Variants in PIK3AP1 observed in about 807,000 individuals in gnomAD.
PIK3AP1 encodes the protein phosphoinositide 3-kinase adapter protein 1.
A neutral mutation model predicts 88.1 loss-of-function variants in PIK3AP1; 21 were observed. The observed-to-expected ratio is 0.24, with a 90% confidence interval of 0.17 to 0.34. PIK3AP1 has a LOEUF of 0.34. Among genes scored for constraint, PIK3AP1 ranks in the 10% least tolerant of loss-of-function variants. PIK3AP1 has a pLI of 1.00. For synonymous variants in PIK3AP1, 398 were observed against 400.0 expected, an observed-to-expected ratio of 1.00 and a Z score of 0.06; for missense variants, 828 against 1,035.7, an observed-to-expected ratio of 0.80 and a Z score of 2.75.
In PIK3AP1 at chr10:96,661,740, G is replaced by A. The variant is rs540280670; in HGVS notation, c.431-4806C>T. 3.3e-5 allele frequency among the ~76,000 whole-genome samples: 5 copies of A among 152,178 alleles called. No homozygotes were observed. In the East Asian group the frequency reaches 7.7e-4, roughly 24 times the overall value. On this transcript the variant is annotated intron_variant, in intron 2 of 16. Transcript: ENST00000339364. ...AGTGGAGGTTGCAGATTGTGCCACT[G>A]CACTCCAGCCTGGGAGACAGAGCGA... is the stretch of plus-strand genomic sequence containing the variant.
chr10:96,687,129 G>A (rs557415009), intron 2 of PIK3AP1, among the ~76,000 whole-genome samples: 21 of 151,890 alleles, frequency 1.4e-4, no homozygotes, highest in Admixed American at 1.1e-3. Flanking sequence ...GGTGGCGGGC[G>A]CCTGTAGTCC....
chr10:96,650,211 G>A (rs143606269), intron 6 of PIK3AP1, among the ~76,000 whole-genome samples: 114 of 152,300 alleles, frequency 7.5e-4, no homozygotes, highest in Admixed American at 1.4e-3. Flanking sequence ...ACGAAAGAGA[G>A]TCCCCCAGGA....
intron 8 of PIK3AP1, among the ~76,000 whole-genome samples, chr10:96,639,531 A>G (rs1332296544): frequency 6.6e-6 from 1 of 152,190 alleles, no homozygotes; most frequent in African/African-American, 2.4e-5. Flanking sequence ...TAAATGTTAA[A>G]ACATTCAATC....
At chr10:96,687,270 AAAAAAAAAAAAAAAAG>A (rs937741400) in intron 2 of PIK3AP1, among the ~76,000 whole-genome samples, 2 of 149,338 alleles carry the variant, frequency 1.3e-5, no homozygotes, top group African/African-American at 5.0e-5. Context: ...AAAAAAAAAA[AAAAAAAAAAAAAAAAG>A]AAAAAAGATC....
chr10:96,669,213 T>C (rs1843807720), intron 2 of PIK3AP1, among the ~76,000 whole-genome samples: 1 of 152,174 alleles, frequency 6.6e-6, no homozygotes. Context: ...TTCCAGAGGC[T>C]TGTCCACTCA....
At chr10:96,686,798 C>G (rs1292484299) in intron 2 of PIK3AP1, among the ~76,000 whole-genome samples, 1 of 152,032 alleles carries the variant, frequency 6.6e-6, no homozygotes, top group Non-Finnish European at 1.5e-5. Flanking sequence ...AAATCCAAAC[C>G]AACTTGGTTC....
intron 8 of PIK3AP1, among the ~76,000 whole-genome samples, chr10:96,643,239 C>G (rs1440580809): frequency 6.6e-6 from 1 of 152,162 alleles, no homozygotes; most frequent in Non-Finnish European, 1.5e-5. Flanking sequence ...GATGGTTTTT[C>G]CAAAAGGAAC....
chr10:96,595,702 A>G (rs1201962868), intron 16 of PIK3AP1, 68 bp from the exon 17 acceptor site: 3 of 1,508,094 alleles, frequency 2.0e-6, no homozygotes, highest in African/African-American at 1.4e-5. Context: ...GGAATGCACA[A>G]TTTGTTGCAA....
chr10:96,648,879 A>C, intron 6 of PIK3AP1, 24 bp from the exon 7 acceptor site: 1 of 1,529,120 alleles, frequency 6.5e-7, no homozygotes, highest in Non-Finnish European at 8.8e-7. Flanking sequence ...AGGAAAACTT[A>C]ATAGGCAGAT....
intron 2 of PIK3AP1, among the ~76,000 whole-genome samples, chr10:96,706,544 A>C (rs1306144458): frequency 6.6e-6 from 1 of 152,216 alleles, no homozygotes; most frequent in African/African-American, 2.4e-5. Context: ...AAAAATATTT[A>C]AGATTTTCTG....
intron 8 of PIK3AP1, among the ~76,000 whole-genome samples, chr10:96,638,713 C>T (rs185630358): frequency 1.9e-4 from 29 of 152,328 alleles, no homozygotes; most frequent in Admixed American, 3.9e-4. Context: ...TGCAGTGAGT[C>T]GCACGCGGTA....
intron 8 of PIK3AP1, among the ~76,000 whole-genome samples, chr10:96,641,928 C>T (rs1015770455): frequency 6.6e-5 from 10 of 152,172 alleles, no homozygotes; most frequent in African/African-American, 2.4e-4. Flanking sequence ...CTTTATCCTA[C>T]TTCTTTATGA....
chr10:96,690,089 T>C (rs764369785), intron 2 of PIK3AP1, among the ~76,000 whole-genome samples: 5 of 152,206 alleles, frequency 3.3e-5, no homozygotes, highest in Non-Finnish European at 7.3e-5. Context: ...CGCATAAAAG[T>C]CCTTCACGTG....
intron 2 of PIK3AP1, among the ~76,000 whole-genome samples, chr10:96,690,305 T>A (rs1203418436): frequency 6.6e-6 from 1 of 152,188 alleles, no homozygotes; most frequent in Non-Finnish European, 1.5e-5. Context: ...TCACCCATAC[T>A]GGAGAGAAGT....
chr10:96,689,576 A>AG (rs1844124953), intron 2 of PIK3AP1, among the ~76,000 whole-genome samples: 1 of 29,516 alleles, frequency 3.4e-5, no homozygotes, highest in Non-Finnish European at 5.3e-5. Flanking sequence ...ACTCTGTCTC[A>AG]AAAAAAAAAA....
chr10:96,703,003 G>A (rs1194276423), intron 2 of PIK3AP1, among the ~76,000 whole-genome samples: 1 of 152,030 alleles, frequency 6.6e-6, no homozygotes, highest in Admixed American at 6.6e-5. Context: ...CAGCCTCTCC[G>A]GTAGCTGGGA....
chr10:96,669,394 C>T (rs892862140), intron 2 of PIK3AP1: 9 of 152,246 alleles, frequency 5.9e-5, no homozygotes, highest in African/African-American at 1.9e-4. Context: ...CTGCCACGTT[C>T]TAGCACTGGC....
intron 8 of PIK3AP1, among the ~76,000 whole-genome samples, chr10:96,632,110 C>A (rs972249111): frequency 6.6e-6 from 1 of 152,018 alleles, no homozygotes; most frequent in Non-Finnish European, 1.5e-5. Flanking sequence ...TCAAAAGTAT[C>A]GAGACAAGGA....
chr10:96,640,367 GC>G (rs10710850), intron 8 of PIK3AP1, among the ~76,000 whole-genome samples: 142,025 of 152,158 alleles, frequency 0.93, 67,070 homozygotes, highest in East Asian at 1. Context: ...TCCCAGAACT[GC>G]CCCCCCAAGG....
Sources: allele counts gnomAD v4.1 joint callset (sites outside exome capture counted in the v4.1 genomes callset), GRCh38; gene constraint gnomAD v4.1.1; transcripts MANE v1.5; gene names NCBI Gene and HGNC (gene_info 2026-07-23, HGNC 2026-07-21).